MACROD2: variants seen among roughly 807,000 people sequenced by gnomAD.
MACROD2 encodes mono-ADP ribosylhydrolase 2, also known as ADP-ribose glycohydrolase MACROD2.
Under a neutral mutation model 70.4 loss-of-function variants are expected in MACROD2, and 36 were observed. The observed-to-expected ratio is 0.51, with a 90% confidence interval of 0.39 to 0.68. The LOEUF (loss-of-function observed/expected upper bound fraction) is 0.68. Ranked by LOEUF, MACROD2 falls within the 30% of genes least tolerant of loss-of-function variation. The probability of loss-of-function intolerance (pLI) is 0.00; values close to 1 mark genes in which losing one functional copy is unlikely to be tolerated. For synonymous variants in MACROD2, 172 were observed against 178.8 expected, an observed-to-expected ratio of 0.96 and a Z score of 0.30; for missense variants, 496 against 538.4, an observed-to-expected ratio of 0.92 and a Z score of 0.78.
intron 4 of MACROD2, among the ~76,000 whole-genome samples, chr20:14,524,851 C>A (rs1232458778): frequency 1.3e-5 from 2 of 152,170 alleles, no homozygotes; most frequent in African/African-American, 2.4e-5. Context: ...GAGCCCCTTG[C>A]CCTGCTTCCT....
chr20:15,421,704 T>C (rs1375120418), intron 6 of MACROD2, among the ~76,000 whole-genome samples: 2 of 152,170 alleles, frequency 1.3e-5, no homozygotes, highest in Non-Finnish European at 2.9e-5. Flanking sequence ...ACACAACAGA[T>C]ATTTATTGAG....
At chr20:14,469,875 G>T (rs899223837) in intron 3 of MACROD2, among the ~76,000 whole-genome samples, 2 of 151,810 alleles carry the variant, frequency 1.3e-5, no homozygotes, top group South Asian at 4.1e-4. Flanking sequence ...GTTAGAGCAC[G>T]CTTCTTTAGC....
At chr20:15,776,106 A>T (rs1417839679) in intron 8 of MACROD2, among the ~76,000 whole-genome samples, 1 of 152,194 alleles carries the variant, frequency 6.6e-6, no homozygotes, top group African/African-American at 2.4e-5. Flanking sequence ...TCACAATTGT[A>T]GTTTTCACTT....
chr20:14,692,106 G>A (rs538453688), intron 5 of MACROD2, among the ~76,000 whole-genome samples: 1 of 152,284 alleles, frequency 6.6e-6, no homozygotes, highest in South Asian at 2.1e-4. Flanking sequence ...TTCTCAAAAC[G>A]TGGTTCCTGG....
At chr20:14,829,644 C>T (rs2072942236) in intron 5 of MACROD2, among the ~76,000 whole-genome samples, 1 of 152,050 alleles carries the variant, frequency 6.6e-6, no homozygotes, top group African/African-American at 2.4e-5. Context: ...CATAGTCTGA[C>T]CTTTTCTCTC....
chr20:15,005,578 T>C (rs1227501140), intron 5 of MACROD2, among the ~76,000 whole-genome samples: 1 of 152,202 alleles, frequency 6.6e-6, no homozygotes, highest in African/African-American at 2.4e-5. Context: ...ATAGTTTGCT[T>C]TGATGCAGTA....
chr20:15,560,786 A>AAAAAAAAAAAAAAAAAAAAAAAAAT, intron 8 of MACROD2, among the ~76,000 whole-genome samples: 1 of 151,146 alleles, frequency 6.6e-6, no homozygotes, highest in African/African-American at 2.4e-5. Flanking sequence ...AAAAAAAAAA[A>AAAAAAAAAAAAAAAAAAAAAAAAAT]AAAAAGACTG....
chr20:14,090,903 A>G (rs1450812394), intron 3 of MACROD2, among the ~76,000 whole-genome samples: 1 of 152,210 alleles, frequency 6.6e-6, no homozygotes, highest in African/African-American at 2.4e-5. Flanking sequence ...ATCCTCACCA[A>G]CACTTGTTAG....
chr20:15,847,123 A>T (rs1051237369), intron 8 of MACROD2, among the ~76,000 whole-genome samples: 2 of 152,092 alleles, frequency 1.3e-5, no homozygotes, highest in African/African-American at 4.8e-5. Flanking sequence ...ATCTTTCCAA[A>T]TATTTTTTAC....
chr20:14,782,632 T>C (rs973244767), intron 5 of MACROD2, among the ~76,000 whole-genome samples: 5 of 152,056 alleles, frequency 3.3e-5, no homozygotes, highest in African/African-American at 1.2e-4. Flanking sequence ...CCTCAATTCC[T>C]GACAACTGTA....
At chr20:14,570,954 G>A (rs750056329) in intron 4 of MACROD2, among the ~76,000 whole-genome samples, 5 of 151,904 alleles carry the variant, frequency 3.3e-5, no homozygotes, top group African/African-American at 9.7e-5. Context: ...ATCCTCCCAC[G>A]TATCTCCAAT....
At chr20:14,080,660 TG>T (rs1389067840) in intron 2 of MACROD2, among the ~76,000 whole-genome samples, 4 of 148,152 alleles carry the variant, frequency 2.7e-5, no homozygotes, top group Non-Finnish European at 6.0e-5. Context: ...TGTACCCTTG[TG>T]GGTTATTAAA....
intron 8 of MACROD2, among the ~76,000 whole-genome samples, chr20:15,724,211 A>C (rs2050828486): frequency 6.6e-6 from 1 of 152,138 alleles, no homozygotes; most frequent in Non-Finnish European, 1.5e-5. Flanking sequence ...ATATTCTCCC[A>C]GTCTGCATCT....
chr20:15,531,236 GTA>G (rs1413870059), intron 8 of MACROD2, among the ~76,000 whole-genome samples: 1 of 151,160 alleles, frequency 6.6e-6, no homozygotes, highest in Admixed American at 6.6e-5. Context: ...AAATCCCATT[GTA>G]TTTTACTTCT....
chr20:15,663,103 C>T (rs2049844697), intron 8 of MACROD2, among the ~76,000 whole-genome samples: 1 of 152,058 alleles, frequency 6.6e-6, no homozygotes, highest in East Asian at 1.9e-4. Context: ...AACTGGTGAG[C>T]TCATGTTCTC....
chr20:15,891,370 G>A (rs574603262), intron 10 of MACROD2, among the ~76,000 whole-genome samples: 16 of 152,316 alleles, frequency 1.1e-4, no homozygotes, highest in Non-Finnish European at 2.4e-4. Context: ...CCAATGACAT[G>A]CTGTGCTAGG....
chr20:14,375,457 A>T (rs562261262), intron 3 of MACROD2, among the ~76,000 whole-genome samples: 2 of 152,272 alleles, frequency 1.3e-5, no homozygotes, highest in East Asian at 3.9e-4. Flanking sequence ...CAGCTGTAAG[A>T]TTTTAAGCTT....
chr20:14,331,968 A>G (rs1451581636), intron 3 of MACROD2, among the ~76,000 whole-genome samples: 1 of 152,152 alleles, frequency 6.6e-6, no homozygotes, highest in Non-Finnish European at 1.5e-5. Context: ...AACAAAATGA[A>G]TCGATCTTTT....
At chr20:15,460,408 C>T (rs1228671442) in intron 7 of MACROD2, among the ~76,000 whole-genome samples, 1 of 152,142 alleles carries the variant, frequency 6.6e-6, no homozygotes, top group Non-Finnish European at 1.5e-5. Flanking sequence ...AATATTAGCA[C>T]CAGCAGGCAG....
Sources: gnomAD v4.1 joint callset for allele counts (sites outside exome capture counted in the v4.1 genomes callset) on GRCh38, gnomAD v4.1.1 for gene constraint, MANE v1.5 for transcripts, NCBI Gene and HGNC (gene_info 2026-07-23, HGNC 2026-07-21) for gene names.